ATP6V0D1: variants seen among roughly 807,000 people sequenced by gnomAD.
The protein encoded by ATP6V0D1 is V-type proton ATPase subunit d 1.
In ATP6V0D1, 13 loss-of-function variants were observed where a neutral mutation model predicts 39.0. The observed-to-expected ratio is 0.33, with a 90% CI of 0.22 to 0.53. ATP6V0D1 has a LOEUF of 0.53. ATP6V0D1 is among the 20% of genes least tolerant of loss of function. ATP6V0D1 has a pLI of 0.94. For missense variants in ATP6V0D1, 272 were observed against 470.9 expected, an observed-to-expected ratio of 0.58 and a Z score of 3.91; for synonymous variants, 191 against 191.2, an observed-to-expected ratio of 1.00 and a Z score of 0.01.
In ATP6V0D1 at chr16:67,453,416, A is replaced by C; in HGVS notation, c.302+128T>G. On this transcript the variant is annotated intron_variant, in intron 2 of 7. Coordinates refer to ENST00000290949, the MANE Select transcript of ATP6V0D1 (RefSeq NM_004691.5). The surrounding 1 kb of genome is among the most constrained non-coding windows in gnomAD (Gnocchi z 4.1). Reference sequence around the variant, plus strand: ...GGTCCTGGGACACCTGGCCTGACAGAGCTGCCATCAGCTCTGACAGCTGAC... The same window carrying C: ...GGTCCTGGGACACCTGGCCTGACAGCGCTGCCATCAGCTCTGACAGCTGAC... The C allele has an allele frequency of 1.8e-6, 2 of 1,129,686 alleles. No individual in the cohort carries two copies. Among genetic ancestry groups the C allele is most frequent in the South Asian group, 2.9e-5 (2 of 68,180 alleles). The allele number at this position is 1,129,686 out of a possible 1,614,324, so 70.0% of individuals were successfully genotyped here.
At chr16:67,452,554 A>G in intron 2 of ATP6V0D1, 2 of 719,548 alleles carry the variant, frequency 2.8e-6, no homozygotes, top group East Asian at 2.7e-5. Context: ...GGTAAAAGTT[A>G]GACAATACCC....
At position 67,447,818 on chromosome 16, in the gene ATP6V0D1, G is replaced by A. The variant is rs936531748; in HGVS notation, c.303-3112C>T. 1.3e-5 allele frequency among the ~76,000 whole-genome samples: 2 copies of A among 152,268 alleles called. No homozygotes were observed. The highest frequency in any genetic ancestry group is 1.9e-4 in the East Asian group (1 of 5,180). On this transcript the variant is annotated intron_variant, in intron 2 of 7. Coordinates refer to ENST00000290949, the MANE Select transcript of ATP6V0D1 (RefSeq NM_004691.5). This position sits in a 1 kb window ranked among gnomAD's most constrained non-coding sequence, Gnocchi z 4.1. Reference sequence around the variant, plus strand: ...TGGAACAATATGGCTTCTCAACCCCGGGTGGCTGGTCTGGTGCTGGTGAGG... The same window carrying A: ...TGGAACAATATGGCTTCTCAACCCCAGGTGGCTGGTCTGGTGCTGGTGAGG...
At position 67,438,463 on chromosome 16, in the gene ATP6V0D1, A is replaced by G. The variant is rs41280900; in HGVS notation, c.*65T>C. ...TCACAGACCACATACACACACACGCACACACACGCGCACACACACACACAC... is the reference window on the plus strand; with the variant it reads ...TCACAGACCACATACACACACACGCGCACACACGCGCACACACACACACAC... On this transcript the variant is annotated 3_prime_UTR_variant, in exon 8 of 8. Coordinates refer to ENST00000290949, the MANE Select transcript of ATP6V0D1 (RefSeq NM_004691.5). 255 of 1,560,300 alleles carry G rather than the reference A, an allele frequency of 1.6e-4. No homozygotes were observed. Among genetic ancestry groups the G allele is most frequent in the African/African-American group, 4.1e-4 (30 of 73,390 alleles).
chr16:67,479,002 A>T (rs991004970), intron 1 of ATP6V0D1, among the ~76,000 whole-genome samples: 2 of 152,052 alleles, frequency 1.3e-5, no homozygotes, highest in African/African-American at 4.8e-5. Context: ...AACTCACATT[A>T]AGCTCCAACT....
chr16:67,443,239 A>T, intron 3 of ATP6V0D1, 61 bp from the exon 4 acceptor site: 1 of 1,554,572 alleles, frequency 6.4e-7, no homozygotes, highest in Non-Finnish European at 8.9e-7. Context: ...CCTGATGTTC[A>T]AATGCCCTAC....
At chr16:67,475,838 C>G (rs2041410012) in intron 1 of ATP6V0D1, among the ~76,000 whole-genome samples, 1 of 152,182 alleles carries the variant, frequency 6.6e-6, no homozygotes, top group Admixed American at 6.6e-5. Context: ...AGATTATGGT[C>G]TCTAAATACA....
intron 4 of ATP6V0D1, chr16:67,439,664 T>G: frequency 2.4e-6 from 1 of 409,226 alleles, no homozygotes; most frequent in Non-Finnish European, 4.5e-6. Context: ...TCCTCTGACT[T>G]TCCCCTGCTG....
At chr16:67,463,941 C>G (rs1364830256) in intron 1 of ATP6V0D1, among the ~76,000 whole-genome samples, 1 of 152,224 alleles carries the variant, frequency 6.6e-6, no homozygotes. Flanking sequence ...ACTGAAGCCA[C>G]TGGGGGAGGT....
intron 1 of ATP6V0D1, among the ~76,000 whole-genome samples, chr16:67,467,587 C>T (rs2041340659): frequency 6.6e-6 from 1 of 152,164 alleles, no homozygotes; most frequent in South Asian, 2.1e-4. Flanking sequence ...CTGTTGAATC[C>T]TTACAACCTA....
chr16:67,473,032 C>G (rs2041386689), intron 1 of ATP6V0D1, among the ~76,000 whole-genome samples: 2 of 152,164 alleles, frequency 1.3e-5, no homozygotes, highest in South Asian at 4.1e-4. Flanking sequence ...ACACCCACAG[C>G]CTTCCAGGAA....
intron 1 of ATP6V0D1, among the ~76,000 whole-genome samples, chr16:67,471,624 G>A (rs573801082): frequency 4.6e-5 from 7 of 151,904 alleles, no homozygotes; most frequent in Admixed American, 4.6e-4. Context: ...ATTTTATACA[G>A]ATTAATCATC....
At chr16:67,454,282 G>A (rs1374150487) in intron 1 of ATP6V0D1, among the ~76,000 whole-genome samples, 1 of 152,236 alleles carries the variant, frequency 6.6e-6, no homozygotes, top group South Asian at 2.1e-4. Flanking sequence ...GAAACAGCCA[G>A]GAGGATGGTG....
At chr16:67,455,309 C>A (rs984348855) in intron 1 of ATP6V0D1, 1 of 152,158 alleles carries the variant, frequency 6.6e-6, no homozygotes, top group African/African-American at 2.4e-5. Context: ...CTTAGGGGAC[C>A]CCTGTGATGC....
At chr16:67,472,768 G>A (rs2041383927) in intron 1 of ATP6V0D1, among the ~76,000 whole-genome samples, 1 of 152,148 alleles carries the variant, frequency 6.6e-6, no homozygotes, top group Non-Finnish European at 1.5e-5. Context: ...TACTCGGGAG[G>A]CTGAGGCAGG....
Position 67,464,379 on chromosome 16 carries a change from A to T in ATP6V0D1, c.131-10664T>A, listed in dbSNP as rs936885460. 3.9e-5 allele frequency among the ~76,000 whole-genome samples: 6 copies of T among 152,262 alleles called. No individual in the cohort carries two copies. The East Asian group carries it at 9.6e-4, about 24-fold the overall frequency. On this transcript the variant is annotated intron_variant, in intron 1 of 7. Coordinates refer to ENST00000290949, the MANE Select transcript of ATP6V0D1 (RefSeq NM_004691.5). ...GTCAGGAACTGCCAAGACAGGTGTC[A>T]GGAGACCATAATTACGCCCTTGGGC...
At position 67,438,262 on chromosome 16, in the gene ATP6V0D1, AACCACAGGGCT is replaced by A; in HGVS notation, c.*255_*265del. 2 of 516,272 alleles carry A rather than the reference AACCACAGGGCT, an allele frequency of 3.9e-6. No individual in the cohort carries two copies. Among genetic ancestry groups the A allele is most frequent in the Non-Finnish European group, 3.5e-6 (1 of 287,926 alleles). 32.0% of individuals were successfully genotyped at this position (516,272 alleles called of 1,614,324 possible). On this transcript the variant is annotated 3_prime_UTR_variant, in exon 8 of 8. Coordinates refer to ENST00000290949, the MANE Select transcript of ATP6V0D1 (RefSeq NM_004691.5). ...GCTTCTTAGATACATCAGCGGCTGT[AACCACAGGGCT>A]GAGGGGGCCTCCTTGCTCTGGAGGG...
chr16:67,442,668 T>C (rs917095066), intron 4 of ATP6V0D1, among the ~76,000 whole-genome samples: 7 of 152,048 alleles, frequency 4.6e-5, no homozygotes, highest in African/African-American at 9.7e-5. Context: ...CATGAGGACC[T>C]AGCTATGCCT....
chr16:67,451,335 G>C (rs940012518), intron 2 of ATP6V0D1, among the ~76,000 whole-genome samples: 3 of 152,312 alleles, frequency 2.0e-5, no homozygotes, highest in Admixed American at 6.5e-5. Flanking sequence ...ATGGACCAGG[G>C]AACTTCAGTT....
intron 1 of ATP6V0D1, among the ~76,000 whole-genome samples, chr16:67,476,650 A>C (rs1213224196): frequency 6.6e-6 from 1 of 152,154 alleles, no homozygotes; most frequent in Non-Finnish European, 1.5e-5. Flanking sequence ...CTATTTTGCA[A>C]CCCCCGATGA....
Sources: gnomAD v4.1 joint callset for allele counts (sites outside exome capture counted in the v4.1 genomes callset) on GRCh38, gnomAD v4.1.1 for gene constraint, Gnocchi (gnomAD v3.1) non-coding constraint, MANE v1.5 for transcripts, NCBI Gene and HGNC (gene_info 2026-07-23, HGNC 2026-07-21) for gene names.